Variants in CRACR2B observed in about 807,000 individuals in gnomAD.
CRACR2B encodes EF-hand calcium-binding domain-containing protein 4A.
In CRACR2B, 50 loss-of-function variants were observed where a neutral mutation model predicts 46.0. That is an observed-to-expected ratio of 1.09 (90% CI 0.87 to 1.38). The LOEUF is 1.38. CRACR2B is among the 40% of genes most tolerant of loss of function. The probability of loss-of-function intolerance (pLI) is 0.00; values close to 1 mark genes in which losing one functional copy is unlikely to be tolerated. For synonymous variants in CRACR2B, 277 were observed against 239.6 expected (o/e 1.16, Z -1.44); for missense variants, 667 against 535.0 (o/e 1.25, Z -2.43).
At chr11:826,700 T>A (rs909070641), upstream of CRACR2B, among the ~76,000 whole-genome samples, 4 of 151,730 alleles carry the variant, frequency 2.6e-5, no homozygotes, top group African/African-American at 9.7e-5. Context: ...ATTTTTTGTA[T>A]TTTTAGTAGA....
At chr11:829,822 C>T in intron 3 of CRACR2B, 164 bp from the exon 4 acceptor site, 1 of 1,343,562 alleles carries the variant, frequency 7.4e-7, no homozygotes, top group Non-Finnish European at 9.8e-7. Context: ...CGACCACGCA[C>T]GCCGGGCAGG....
chr11:831,060 C>A (rs931935449), intron 7 of CRACR2B, 28 bp downstream of exon 7: 19 of 1,536,308 alleles, frequency 1.2e-5, no homozygotes, highest in Non-Finnish European at 1.7e-5. Context: ...TGGGCGGGCC[C>A]CGGTGCGTGT....
chr11:826,744 C>T (rs1483940405), upstream of CRACR2B, among the ~76,000 whole-genome samples: 3 of 152,228 alleles, frequency 2.0e-5, no homozygotes, highest in East Asian at 5.8e-4. Flanking sequence ...AGGCTGGTCT[C>T]GAACTCCTGA....
chr11:831,577 G>C lies in CRACR2B; in HGVS notation c.1068G>C (p.Glu356Asp), dbSNP rs778819886. 1.3e-6 allele frequency: 2 copies of C among 1,596,214 alleles called. No homozygotes were observed. Among genetic ancestry groups the C allele is most frequent in the African/African-American group, 1.4e-5 (1 of 73,772 alleles). The stretch of plus-strand genomic sequence containing the variant: ...TGCGGGATGACAGGGACGCCTGCGA[G>C]GCCAGGCGGGCGGGCAGCAGCTGCA... ...TRLRDDRDAC[E>D]ARRAGSSCRK... Residue 356 changes from glutamate (E) to aspartate (D), a missense_variant, in exon 9 of 9, where the codon GAG (glutamate) becomes GAC (aspartate). By Grantham distance (45) the Glu-to-Asp change is conservative. Coordinates refer to ENST00000525077, the MANE Select transcript of CRACR2B (RefSeq NM_001286606.2).
Position 831,530 on chromosome 11 carries a change from C to T in CRACR2B, c.1026-5C>T. ...CCTCTCAGTGTCGGACTCCTCCTTC[C>T]CTAGGGAGCTGAATACACGGCTGCG... On this transcript the variant is annotated splice_region_variant and splice_polypyrimidine_tract_variant and intron_variant, in intron 8 of 8. Transcript: ENST00000525077. 1.9e-6 allele frequency: 3 copies of T among 1,583,444 alleles called. No individual in the cohort carries two copies. The highest frequency in any genetic ancestry group is 1.9e-5 in the Admixed American group (1 of 52,328).
rs1279107928 is a variant in CRACR2B at position 830,145 on chromosome 11, G to A, written c.605+13G>A. ...AGGCGCTGCGGAGGTGAGGGCCGGG[G>A]TGGGGTATGGGGGCCAATGGAGGGC... On this transcript the variant is annotated intron_variant, in intron 4 of 8. Transcript: ENST00000525077. 3 of 1,526,524 alleles carry A rather than the reference G, an allele frequency of 2.0e-6. No homozygotes were observed. The highest frequency in any genetic ancestry group is 2.6e-6 in the Non-Finnish European group (3 of 1,141,676). The allele number at this position is 1,526,524 out of a possible 1,614,324, so 94.6% of individuals were successfully genotyped here. A position where few individuals can be genotyped will look rare whatever the true frequency, so the allele number is the denominator to read the frequency against.
chr11:830,163 T>G, intron 4 of CRACR2B, 31 bp downstream of exon 4: 5 of 1,514,906 alleles, frequency 3.3e-6, no homozygotes, highest in Non-Finnish European at 4.4e-6. Context: ...TGGGGGCCAA[T>G]GGAGGGCCTC....
At chr11:826,893 A>G (rs1309551478), upstream of CRACR2B, among the ~76,000 whole-genome samples, 2 of 152,212 alleles carry the variant, frequency 1.3e-5, no homozygotes, top group Non-Finnish European at 2.9e-5. Context: ...AACCGCTGAA[A>G]GTATTTGGTC....
rs35693210 is a variant in CRACR2B at position 829,536 on chromosome 11, G to T, written c.454G>T (p.Gly152Cys). Reference protein sequence around the residue: ...LEQLGVAPVLGKQRAVRTLWA... With the variant: ...LEQLGVAPVLCKQRAVRTLWA... Reference sequence around the variant, plus strand: ...GCAGCTGGGGGTGGCCCCGGTCCTGGGCAAGTGAGTCGGCGCTGGCCCCGC... The same window carrying T: ...GCAGCTGGGGGTGGCCCCGGTCCTGTGCAAGTGAGTCGGCGCTGGCCCCGC... The change falls in exon 3 of 9, where the codon GGC becomes TGC. Residue 152 changes from glycine to cysteine, a missense_variant. By Grantham distance (159) the Gly-to-Cys change is radical (BLOSUM62 -3). Transcript: ENST00000525077. 3 of 1,584,108 alleles carry T rather than the reference G, an allele frequency of 1.9e-6. No homozygotes were observed. Among genetic ancestry groups the T allele is most frequent in the Non-Finnish European group, 2.6e-6 (3 of 1,168,066 alleles).
chr11:829,373 G>A lies in CRACR2B; in HGVS notation c.291G>A (p.Gly97=). 8.1e-6 allele frequency: 13 copies of A among 1,607,134 alleles called. No homozygotes were observed. Among genetic ancestry groups the A allele is most frequent in the Non-Finnish European group, 9.3e-6 (11 of 1,178,148 alleles). Residue 97 remains glycine (G), a synonymous_variant, in exon 3 of 9, where the codon GGG becomes GGA. Coordinates refer to ENST00000525077, the MANE Select transcript of CRACR2B (RefSeq NM_001286606.2). ...EFCLGLGMFV[G]VASAQGANPC... is the part of the protein sequence containing the mutation. ...CCATGCCCGCAGGGATGTTTGTGGGGGTGGCGTCAGCCCAGGGAGCGAACC... is the reference window on the plus strand; with the variant it reads ...CCATGCCCGCAGGGATGTTTGTGGGAGTGGCGTCAGCCCAGGGAGCGAACC...
chr11:831,782 C>A lies in CRACR2B; in HGVS notation c.*73C>A. The A allele has an allele frequency of 1.4e-6, 2 of 1,438,434 alleles. No individual in the cohort carries two copies. The highest frequency in any genetic ancestry group is 1.8e-6 in the Non-Finnish European group (2 of 1,102,236). 89.1% of individuals were successfully genotyped at this position (1,438,434 alleles called of 1,614,324 possible). On this transcript the variant is annotated 3_prime_UTR_variant, in exon 9 of 9. Transcript: ENST00000525077. The stretch of plus-strand genomic sequence containing the variant: ...GGAGGCTTGTCATGGGTCGGGGGTG[C>A]CCACTCAGGATGCAGGCTCTCCCCA...
intron 2 of CRACR2B, 41 bp from the exon 3 acceptor site, chr11:829,319 G>C: frequency 1.3e-6 from 2 of 1,561,382 alleles, no homozygotes; most frequent in Non-Finnish European, 1.7e-6. Context: ...AGCCACGGTG[G>C]CGACCCACAG....
chr11:826,502 G>A (rs1391732483), upstream of CRACR2B, among the ~76,000 whole-genome samples: 2 of 152,232 alleles, frequency 1.3e-5, no homozygotes, highest in Non-Finnish European at 2.9e-5. Flanking sequence ...ACTGAATACT[G>A]CTAAGTTAAA....
At chr11:831,188 C>G in intron 7 of CRACR2B, 36 bp from the exon 8 acceptor site, 5 of 1,610,726 alleles carry the variant, frequency 3.1e-6, no homozygotes, top group Non-Finnish European at 4.2e-6. Context: ...CCCCAAGGAG[C>G]CTTCCTGCAG....
chr11:831,309 C>T lies in CRACR2B; in HGVS notation c.1025+14C>T, dbSNP rs1846412418. On this transcript the variant is annotated intron_variant, in intron 8 of 8. Coordinates refer to ENST00000525077, the MANE Select transcript of CRACR2B (RefSeq NM_001286606.2). The stretch of plus-strand genomic sequence containing the variant: ...GGAGCTGCTCAGGTACGGTCAGGCT[C>T]AGGCCCGAGAGGGAATGGGCTCAGC... The T allele has an allele frequency of 1.3e-6, 2 of 1,599,226 alleles. No individual in the cohort carries two copies. Among genetic ancestry groups the T allele is most frequent in the African/African-American group, 1.4e-5 (1 of 73,672 alleles).
Position 830,011 on chromosome 11 carries a change from G to T in CRACR2B, c.484G>T (p.Ala162Ser). 6.4e-7 allele frequency: 1 copy of T among 1,572,004 alleles called. No homozygotes were observed. Among genetic ancestry groups the T allele is most frequent in the Admixed American group, 1.7e-5 (1 of 57,320 alleles). Residue 162 changes from alanine (A) to serine (S), a missense_variant, in exon 4 of 9, where the codon GCC (alanine) becomes TCC (serine). Coordinates refer to ENST00000525077, the MANE Select transcript of CRACR2B (RefSeq NM_001286606.2). ...GKQRAVRTLWARLQRERPELL... is the reference protein window; with the variant it reads ...GKQRAVRTLWSRLQRERPELL... Reference sequence around the variant, plus strand: ...GCAGCGGGCTGTGAGGACGCTCTGGGCCAGGCTGCAGCGCGAGCGCCCCGA... The same window carrying T: ...GCAGCGGGCTGTGAGGACGCTCTGGTCCAGGCTGCAGCGCGAGCGCCCCGA...
At position 831,637 on chromosome 11, in the gene CRACR2B, C is replaced by T. The variant is rs1266571922; in HGVS notation, c.1128C>T (p.Pro376=). ...TGACAACAGCCCGCCTGCCTGGGCC[C>T]ACCTGCTGCTGCTGCTGTTGCTGGG... ...KALTTARLPG[P]TCCCCCCWAR... Residue 376 remains proline (P), a synonymous_variant, in exon 9 of 9, where the codon CCC becomes CCT. Transcript: ENST00000525077. 1 of 1,555,444 alleles carries T rather than the reference C, an allele frequency of 6.4e-7. No homozygotes were observed. The highest frequency in any genetic ancestry group is 1.4e-5 in the African/African-American group (1 of 72,828).
rs1187630819 is a variant in CRACR2B at position 831,012 on chromosome 11, C to A, written c.933C>A (p.Gly311=). The part of the protein sequence containing the change: ...QIRRLESEAR[G]RQEQTQRDVV... ...GCAGGCTGGAGAGCGAAGCACGAGG[C>A]CGCCAGGAGCAAACCCAACGGTGCC... The change falls in exon 7 of 9, where the codon GGC becomes GGA. Residue 311 remains glycine, a synonymous_variant. Coordinates refer to ENST00000525077, the MANE Select transcript of CRACR2B (RefSeq NM_001286606.2). 2.6e-6 allele frequency: 4 copies of A among 1,534,076 alleles called. No individual in the cohort carries two copies. The East Asian group carries it at 9.8e-5, about 38-fold the overall frequency.
Position 828,002 on chromosome 11 carries a change from G to A in CRACR2B, c.-606G>A, listed in dbSNP as rs912851381. On this transcript the variant is annotated 5_prime_UTR_variant, in exon 1 of 9. Coordinates refer to ENST00000525077, the MANE Select transcript of CRACR2B (RefSeq NM_001286606.2). Reference sequence around the variant, plus strand: ...CAGAGGCGAAGGGCTCTGCAGGCTGGGACCTTGCCCCTGCACTCTGTGGGC... The same window carrying A: ...CAGAGGCGAAGGGCTCTGCAGGCTGAGACCTTGCCCCTGCACTCTGTGGGC... Among the ~76,000 whole-genome samples the A allele has an allele frequency of 6.7e-6, 1 of 150,324 alleles. No individual in the cohort carries two copies. Among genetic ancestry groups the A allele is most frequent in the Non-Finnish European group, 1.5e-5 (1 of 66,566 alleles).
Sources: gnomAD v4.1 joint callset for allele counts (sites outside exome capture counted in the v4.1 genomes callset) on GRCh38, gnomAD v4.1.1 for gene constraint, MANE v1.5 for transcripts, NCBI Gene and HGNC (gene_info 2026-07-23, HGNC 2026-07-21) for gene names.